Variants in RETREG1 observed in about 807,000 individuals in gnomAD.
The protein encoded by RETREG1 is reticulophagy regulator 1, also known as family with sequence similarity 134 member B.
RETREG1 carries 44 observed loss-of-function variants against 54.8 expected under a neutral mutation model. The observed-to-expected ratio is 0.80, with a 90% CI of 0.63 to 1.03. The LOEUF (loss-of-function observed/expected upper bound fraction) is 1.03. Ranked by LOEUF, RETREG1 falls within the 50% of genes least tolerant of loss-of-function variation. The probability of loss-of-function intolerance (pLI) is 0.00; values close to 1 mark genes in which losing one functional copy is unlikely to be tolerated. For missense variants in RETREG1, 554 were observed against 605.1 expected (o/e 0.92, Z 0.89); for synonymous variants, 217 against 238.5 (o/e 0.91, Z 0.83).
At chr5:16,505,694 T>C (rs1739926021) in intron 3 of RETREG1, among the ~76,000 whole-genome samples, 1 of 152,178 alleles carries the variant, frequency 6.6e-6, no homozygotes, top group Non-Finnish European at 1.5e-5. Context: ...CCCAGGCTGC[T>C]TGCTGAAGGC....
At chr5:16,528,368 T>C (rs768889639) in intron 3 of RETREG1, among the ~76,000 whole-genome samples, 4 of 152,188 alleles carry the variant, frequency 2.6e-5, no homozygotes, top group Non-Finnish European at 5.9e-5. Context: ...TTTAAATTTA[T>C]ATTCCTGGAA....
At chr5:16,488,031 T>C (rs935507427) in intron 3 of RETREG1, among the ~76,000 whole-genome samples, 3 of 152,330 alleles carry the variant, frequency 2.0e-5, no homozygotes, top group African/African-American at 7.2e-5. Flanking sequence ...GAGATGGAGA[T>C]GGAGCAGGCC....
chr5:16,480,120 C>T (rs1337995679), intron 5 of RETREG1, among the ~76,000 whole-genome samples: 2 of 151,920 alleles, frequency 1.3e-5, no homozygotes, highest in Non-Finnish European at 2.9e-5. Context: ...TTTTATTCAA[C>T]CTTCCTTCCA....
chr5:16,590,613 G>A (rs1027767697), intron 1 of RETREG1, among the ~76,000 whole-genome samples: 4 of 152,186 alleles, frequency 2.6e-5, no homozygotes, highest in African/African-American at 7.2e-5. Flanking sequence ...CATGGGCCAC[G>A]GACTCGAGGC....
At chr5:16,491,278 G>A (rs909770006) in intron 3 of RETREG1, among the ~76,000 whole-genome samples, 4 of 152,290 alleles carry the variant, frequency 2.6e-5, no homozygotes. Flanking sequence ...TACCGACCAC[G>A]ACCGTCGCAT....
intron 7 of RETREG1, 22 bp from the exon 8 acceptor site, chr5:16,477,810 C>G: frequency 6.2e-7 from 1 of 1,612,926 alleles, no homozygotes. Flanking sequence ...TAAATAAATA[C>G]CAGCGGCACA....
intron 1 of RETREG1, among the ~76,000 whole-genome samples, chr5:16,587,047 T>C (rs1182381650): frequency 6.6e-6 from 1 of 152,142 alleles, no homozygotes. Context: ...TCTCATCACA[T>C]TGGTGATGGG....
At chr5:16,614,603 A>T (rs537336272) in intron 1 of RETREG1, among the ~76,000 whole-genome samples, 1 of 150,380 alleles carries the variant, frequency 6.6e-6, no homozygotes, top group East Asian at 1.9e-4. Flanking sequence ...AGCTGCATGC[A>T]ATATGGTGAC....
chr5:16,568,096 C>T (rs1311552260), intron 2 of RETREG1, among the ~76,000 whole-genome samples: 1 of 152,080 alleles, frequency 6.6e-6, no homozygotes, highest in South Asian at 2.1e-4. Context: ...TAGAAGAGTT[C>T]CCCAGAGTTC....
chr5:16,497,594 A>T (rs1337038675), intron 3 of RETREG1, among the ~76,000 whole-genome samples: 1 of 152,204 alleles, frequency 6.6e-6, no homozygotes, highest in East Asian at 1.9e-4. Context: ...GGGGGCAGAT[A>T]AAACTCAAGG....
chr5:16,560,809 A>G (rs536665577), intron 3 of RETREG1, among the ~76,000 whole-genome samples: 2 of 152,384 alleles, frequency 1.3e-5, no homozygotes, highest in African/African-American at 4.8e-5. Flanking sequence ...AGCACTATCT[A>G]GTGCCAGATG....
intron 1 of RETREG1, among the ~76,000 whole-genome samples, chr5:16,605,890 G>T (rs556340109): frequency 6.6e-6 from 1 of 152,094 alleles, no homozygotes; most frequent in Non-Finnish European, 1.5e-5. Flanking sequence ...CCTCCTAAAG[G>T]CTCCACCTCT....
At position 16,616,584 on chromosome 5, in the gene RETREG1, C is replaced by T. The variant is rs1028570081; in HGVS notation, c.320+68G>A. ...CCCGCGGGCTCCCCCTGCACTGGGT[C>T]CCCGGGGCCCCGGGCGCCCCAAGGT... On this transcript the variant is annotated intron_variant, in intron 1 of 8. Transcript: ENST00000306320. 22 of 1,535,228 alleles carry T rather than the reference C, an allele frequency of 1.4e-5. No homozygotes were observed. The East Asian group carries it at 3.2e-4, about 22-fold the overall frequency.
intron 3 of RETREG1, among the ~76,000 whole-genome samples, chr5:16,484,637 C>A (rs907386774): frequency 6.6e-6 from 1 of 152,162 alleles, no homozygotes; most frequent in Non-Finnish European, 1.5e-5. Context: ...CATACAGATT[C>A]TGTGACTTTT....
intron 3 of RETREG1, among the ~76,000 whole-genome samples, chr5:16,502,981 C>T (rs888419504): frequency 5.9e-5 from 9 of 152,234 alleles, no homozygotes; most frequent in Admixed American, 2.0e-4. Flanking sequence ...CAAGGACAGA[C>T]CCTCCCCATG....
chr5:16,594,618 G>A lies in RETREG1; in HGVS notation c.320+22034C>T, dbSNP rs1742850950. Among the ~76,000 whole-genome samples, 1 of 152,036 alleles carries A rather than the reference G, an allele frequency of 6.6e-6. No homozygotes were observed. The highest frequency in any genetic ancestry group is 1.5e-5 in the Non-Finnish European group (1 of 68,008). On this transcript the variant is annotated intron_variant, in intron 1 of 8. Transcript: ENST00000306320. This position sits in a 1 kb window ranked among gnomAD's most constrained non-coding sequence, Gnocchi z 4.4. Reference sequence around the variant, plus strand: ...CGCATGTCTGTAGTCCCAGATACTCGGGAGGCTGAGGCAGGAAAATCGCTT... The same window carrying A: ...CGCATGTCTGTAGTCCCAGATACTCAGGAGGCTGAGGCAGGAAAATCGCTT...
chr5:16,492,199 C>CCTCTCTCTCTCT (rs369038338), intron 3 of RETREG1, among the ~76,000 whole-genome samples: 29 of 136,090 alleles, frequency 2.1e-4, no homozygotes, highest in African/African-American at 7.1e-4. Context: ...ACAGTGTTGT[C>CCTCTCTCTCTCT]CTCTCTCTCT....
Position 16,616,869 on chromosome 5 carries a change from C to A in RETREG1, c.103G>T (p.Ala35Ser). The A allele has an allele frequency of 2.7e-6, 4 of 1,501,212 alleles. No individual in the cohort carries two copies. In the South Asian group the frequency reaches 5.0e-5, roughly 19 times the overall value. The allele number at this position is 1,501,212 out of a possible 1,614,324, so 93.0% of individuals were successfully genotyped here. A position where few individuals can be genotyped will look rare whatever the true frequency, so the allele number is the denominator to read the frequency against. The change falls in exon 1 of 9, where the codon GCA (alanine) becomes TCA (serine). Residue 35 changes from alanine (A) to serine (S), a missense_variant. Physicochemically the swap from Ala to Ser is moderately conservative, Grantham distance 99. Around this residue, in one of 4 missense-constraint regions of RETREG1, gnomAD observed 175 missense variants for 142.1 expected, o/e 1.23. Coordinates refer to ENST00000306320, the MANE Select transcript of RETREG1 (RefSeq NM_001034850.3). ...PSPPPPQASP[A>S]ERQQQEEEAQ... is the part of the protein sequence containing the mutation. ...TCCTCCTCCTGCTGCTGCCGCTCTGCGGGGGATGCCTGGGGCGGTGGCGGC... is the reference window on the plus strand; with the variant it reads ...TCCTCCTCCTGCTGCTGCCGCTCTGAGGGGGATGCCTGGGGCGGTGGCGGC...
At chr5:16,613,071 A>C (rs1458607868) in intron 1 of RETREG1, among the ~76,000 whole-genome samples, 1 of 151,070 alleles carries the variant, frequency 6.6e-6, no homozygotes, top group Non-Finnish European at 1.5e-5. Context: ...TATCCATTAA[A>C]TTATTTGTGG....
Sources: gnomAD v4.1 joint callset for allele counts (sites outside exome capture counted in the v4.1 genomes callset) on GRCh38, gnomAD v4.1.1 for gene constraint, gnomAD v4.1.1 regional missense constraint, Gnocchi (gnomAD v3.1) non-coding constraint, MANE v1.5 for transcripts, NCBI Gene and HGNC (gene_info 2026-07-23, HGNC 2026-07-21) for gene names.